Variants in MLXIP observed in about 807,000 individuals in gnomAD.
MLXIP encodes the protein MLX-interacting protein.
A neutral mutation model predicts 87.2 loss-of-function variants in MLXIP; 30 were observed. The observed-to-expected ratio is 0.34, with a 90% CI of 0.26 to 0.47. The LOEUF (loss-of-function observed/expected upper bound fraction) is 0.47. Among genes scored for constraint, MLXIP ranks in the 20% least tolerant of loss-of-function variants. The pLI is 1.00. For missense variants in MLXIP, 1,002 were observed against 1,240.1 expected (o/e 0.81, Z 2.88); for synonymous variants, 530 against 514.0 (o/e 1.03, Z -0.42).
rs1222796979 is a variant in MLXIP, at chr12:122,078,815, C to T, written c.-39C>T. ...TCTGCCTCGCGCGCTTGTCGCGTTGCCCCGGGCTCCGGGGGATGCCCCCGG... is the reference window on the plus strand; with the variant it reads ...TCTGCCTCGCGCGCTTGTCGCGTTGTCCCGGGCTCCGGGGGATGCCCCCGG... On this transcript the variant is annotated 5_prime_UTR_variant, in exon 1 of 17. Transcript: ENST00000319080. The T allele has an allele frequency of 2.2e-5, 23 of 1,039,382 alleles. No homozygotes were observed. The highest frequency in any genetic ancestry group is 9.2e-6 in the Non-Finnish European group (8 of 866,144). 64.4% of individuals were successfully genotyped at this position (1,039,382 alleles called of 1,614,324 possible). A position where few individuals can be genotyped will look rare whatever the true frequency, so the allele number is the denominator to read the frequency against.
At position 122,146,416 on chromosome 12, in the gene MLXIP, A is replaced by G. The variant is rs1250406006; in HGVS notation, c.*4604A>G. On this transcript the variant is annotated 3_prime_UTR_variant, in exon 17 of 17. Transcript: ENST00000319080. ...GGCAAGGGCTCCAGGAACGCTGACG[A>G]AGGGTTTTAGGACCCCCACCCCCAT... The G allele has an allele frequency of 6.6e-6, 1 of 152,364 alleles. No individual in the cohort carries two copies. The highest frequency in any genetic ancestry group is 2.4e-5 in the African/African-American group (1 of 41,404). The allele number at this position is 152,364 out of a possible 1,614,324, so 9.4% of individuals were successfully genotyped here.
At chr12:122,120,920 A>C (rs1952768823) in intron 1 of MLXIP, among the ~76,000 whole-genome samples, 1 of 152,080 alleles carries the variant, frequency 6.6e-6, no homozygotes, top group Non-Finnish European at 1.5e-5. Flanking sequence ...TTGTCCCATG[A>C]CAAACAAATA....
At chr12:122,129,305 G>T in intron 4 of MLXIP, 79 bp downstream of exon 4, 1 of 1,310,070 alleles carries the variant, frequency 7.6e-7, no homozygotes, top group South Asian at 1.3e-5. Flanking sequence ...TGGCCGAGGC[G>T]GTAGGCTCCA....
chr12:122,094,831 T>G (rs1952324072), intron 1 of MLXIP, among the ~76,000 whole-genome samples: 2 of 145,200 alleles, frequency 1.4e-5, no homozygotes, highest in Non-Finnish European at 3.0e-5. Flanking sequence ...TTGGTGTGTG[T>G]GGGGTGTGGG....
intron 1 of MLXIP, among the ~76,000 whole-genome samples, chr12:122,105,849 C>T (rs1019923901): frequency 2.0e-5 from 3 of 151,582 alleles, no homozygotes; most frequent in Non-Finnish European, 2.9e-5. Context: ...CTCTTGTTCC[C>T]TTCTTTCTCT....
chr12:122,106,737 G>A (rs1383735131), intron 1 of MLXIP, among the ~76,000 whole-genome samples: 1 of 151,688 alleles, frequency 6.6e-6, no homozygotes, highest in African/African-American at 2.4e-5. Context: ...GAGTAGCTGG[G>A]ACTACAGGCC....
At chr12:122,141,475 C>T (rs1204777187) in intron 16 of MLXIP, among the ~76,000 whole-genome samples, 2 of 152,112 alleles carry the variant, frequency 1.3e-5, no homozygotes, top group East Asian at 3.9e-4. Context: ...GGATGCTCCA[C>T]CTACGGCAGC....
intron 1 of MLXIP, among the ~76,000 whole-genome samples, chr12:122,115,587 T>A (rs28707337): frequency 3.2e-5 from 3 of 93,452 alleles, no homozygotes; most frequent in African/African-American, 7.8e-5. Context: ...AAACTCCTTC[T>A]CAAAAAAAAA....
intron 1 of MLXIP, among the ~76,000 whole-genome samples, chr12:122,098,522 C>T (rs1334088042): frequency 2.0e-5 from 3 of 152,294 alleles, no homozygotes; most frequent in Middle Eastern, 3.4e-3. Flanking sequence ...GCCCAGTAGG[C>T]GACCCATGGC....
rs780016174 is a variant in MLXIP, at chr12:122,135,701, G to A, written c.2032+35G>A. The A allele has an allele frequency of 6.9e-6, 10 of 1,457,950 alleles. No homozygotes were observed. Among genetic ancestry groups the A allele is most frequent in the Admixed American group, 2.6e-5 (1 of 37,824 alleles). The allele number at this position is 1,457,950 out of a possible 1,614,324, so 90.3% of individuals were successfully genotyped here. On this transcript the variant is annotated intron_variant, in intron 11 of 16. Coordinates refer to ENST00000319080, the MANE Select transcript of MLXIP (RefSeq NM_014938.6). The surrounding 1 kb of genome is among the most constrained non-coding windows in gnomAD (Gnocchi z 5.3). ...CACTCGGCGGGATGGTTGGGGCATCGCAAGGGAAGTAACTGGGCCTGCCGT... is the reference window on the plus strand; with the variant it reads ...CACTCGGCGGGATGGTTGGGGCATCACAAGGGAAGTAACTGGGCCTGCCGT...
In MLXIP at chr12:122,130,002, A is replaced by T. The variant is rs1952948748; in HGVS notation, c.800A>T (p.Glu267Val). Residue 267 changes from glutamate to valine, a missense_variant, in exon 6 of 17, where the codon GAG becomes GTG. Around this residue, in one of 3 missense-constraint regions of MLXIP, gnomAD observed 746 missense variants for 897.0 expected, o/e 0.83. Transcript: ENST00000319080. ...GGATGGAAGACCCCCGTCCCCATGG[A>T]GGAGGATCCCCTGCTGGACACAGAC... ...GDGWKTPVPM[E>V]EDPLLDTDML... 1 of 1,613,894 alleles carries T rather than the reference A, an allele frequency of 6.2e-7. No individual in the cohort carries two copies. Among genetic ancestry groups the T allele is most frequent in the Admixed American group, 1.7e-5 (1 of 59,998 alleles).
In MLXIP at chr12:122,129,122, C is replaced by T; in HGVS notation, c.607-15C>T. On this transcript the variant is annotated splice_polypyrimidine_tract_variant and intron_variant, in intron 3 of 16. Coordinates refer to ENST00000319080, the MANE Select transcript of MLXIP (RefSeq NM_014938.6). ...CAGAGCCCCCTCTTCACTCTGCTCT[C>T]TGTCCCTGTCCTAGGCCATCACCAC... 1 of 1,596,794 alleles carries T rather than the reference C, an allele frequency of 6.3e-7. No individual in the cohort carries two copies. The highest frequency in any genetic ancestry group is 1.7e-4 in the Middle Eastern group (1 of 6,052).
chr12:122,132,907 A>G (rs1411900325), intron 8 of MLXIP: 1 of 174,050 alleles, frequency 5.7e-6, no homozygotes, highest in Non-Finnish European at 1.2e-5. Context: ...AGAGACTGGG[A>G]TCTGAACCAT....
At chr12:122,099,621 C>G (rs1279538266) in intron 1 of MLXIP, among the ~76,000 whole-genome samples, 1 of 152,250 alleles carries the variant, frequency 6.6e-6, no homozygotes, top group African/African-American at 2.4e-5. Context: ...CTACAAATAA[C>G]CAGCAAGAGA....
intron 12 of MLXIP, 94 bp from the exon 13 acceptor site, chr12:122,138,100 C>T (rs903869078): frequency 1.8e-5 from 20 of 1,125,734 alleles, no homozygotes; most frequent in Non-Finnish European, 2.4e-5. Flanking sequence ...CTAGCCCTGG[C>T]CCTTGGGCAC....
intron 1 of MLXIP, among the ~76,000 whole-genome samples, chr12:122,107,993 TG>T (rs1341653647): frequency 6.6e-6 from 1 of 152,092 alleles, no homozygotes; most frequent in Non-Finnish European, 1.5e-5. Context: ...TGACCCTGAT[TG>T]GAAGGTGCGC....
Position 122,129,170 on chromosome 12 carries a change from C to T in MLXIP, c.640C>T (p.Arg214Cys), listed in dbSNP as rs771959380. 31 of 1,611,268 alleles carry T rather than the reference C, an allele frequency of 1.9e-5. No homozygotes were observed. The highest frequency in any genetic ancestry group is 1.9e-4 in the South Asian group (17 of 90,248). ...CACGGAAGGGAAGTACTGGAAGAGC[C>T]GCATCGAGATTGTGATCCGGGAGTA... ...ITTEGKYWKS[R>C]IEIVIREYHK... Residue 214 changes from arginine (R) to cysteine (C), a missense_variant, in exon 4 of 17, where the codon CGC (arginine) becomes TGC (cysteine). Arg to Cys is a radical substitution (Grantham distance 180). Coordinates refer to ENST00000319080, the MANE Select transcript of MLXIP (RefSeq NM_014938.6).
Position 122,078,849 on chromosome 12 carries a change from T to C in MLXIP, c.-5T>C, listed in dbSNP as rs1952048349. On this transcript the variant is annotated 5_prime_UTR_variant, in exon 1 of 17. Transcript: ENST00000319080. ...CCGGGGGATGCCCCCGGCCGAGCCC[T>C]TCTCATGGCCGCCGACGTCTTCATG... 9.4e-7 allele frequency: 1 copy of C among 1,069,360 alleles called. No individual in the cohort carries two copies. The highest frequency in any genetic ancestry group is 6.7e-5 in the East Asian group (1 of 14,936). 66.2% of individuals were successfully genotyped at this position (1,069,360 alleles called of 1,614,324 possible). A position where few individuals can be genotyped will look rare whatever the true frequency, so the allele number is the denominator to read the frequency against.
At position 122,129,978 on chromosome 12, in the gene MLXIP, G is replaced by T; in HGVS notation, c.776G>T (p.Gly259Val). 1 of 1,613,966 alleles carries T rather than the reference G, an allele frequency of 6.2e-7. No homozygotes were observed. Among genetic ancestry groups the T allele is most frequent in the Non-Finnish European group, 8.5e-7 (1 of 1,179,864 alleles). Reference protein sequence around the residue: ...DMLYWHKHGDGWKTPVPMEED... With the variant: ...DMLYWHKHGDVWKTPVPMEED... ...CTGTATTGGCACAAGCACGGGGATG[G>T]ATGGAAGACCCCCGTCCCCATGGAG... The change falls in exon 6 of 17, where the codon GGA becomes GTA. Residue 259 changes from glycine to valine, a missense_variant. Physicochemically the swap from Gly to Val is moderately radical, Grantham distance 109. Transcript: ENST00000319080.
Sources: gnomAD v4.1 joint callset for allele counts (sites outside exome capture counted in the v4.1 genomes callset) on GRCh38, gnomAD v4.1.1 for gene constraint, gnomAD v4.1.1 regional missense constraint, Gnocchi (gnomAD v3.1) non-coding constraint, MANE v1.5 for transcripts, NCBI Gene and HGNC (gene_info 2026-07-23, HGNC 2026-07-21) for gene names.